MCC: variants seen among roughly 807,000 people sequenced by gnomAD.
The protein encoded by MCC is MCC regulator of Wnt signaling pathway.
Under a neutral mutation model 116.2 loss-of-function variants are expected in MCC, and 90 were observed. The observed-to-expected ratio is 0.77, with a 90% CI of 0.65 to 0.92. The LOEUF (loss-of-function observed/expected upper bound fraction) is 0.92, where lower values mean the gene tolerates loss of function less well. MCC is among the 40% of genes least tolerant of loss of function. The pLI, the probability that MCC is intolerant of heterozygous loss-of-function variation, is 0.00. For missense variants in MCC, 1,516 were observed against 1,312.2 expected (o/e 1.16, Z -2.40); for synonymous variants, 578 against 510.5 (o/e 1.13, Z -1.78).
chr5:113,434,318 G>T lies in MCC; in HGVS notation c.171-49106C>A, dbSNP rs35724644. 100,179 of 1,613,728 alleles carry T rather than the reference G, an allele frequency of 0.062. 5,126 individuals are homozygous for T. The highest frequency in any genetic ancestry group is 0.28 in the African/African-American group (20,747 of 74,894). ...CCGCATACGCTGGTGACCCACAGAA[G>T]GTCTTGCTTAATGCCATTCGACCAC... is the stretch of plus-strand genomic sequence containing the variant. On this transcript the variant is annotated intron_variant, in intron 1 of 18. Coordinates refer to ENST00000408903, the MANE Select transcript of MCC (RefSeq NM_001085377.2). This position sits in a 1 kb window ranked among gnomAD's most constrained non-coding sequence, Gnocchi z 4.2.
intron 8 of MCC, among the ~76,000 whole-genome samples, chr5:113,100,503 C>G (rs1756335479): frequency 8.0e-6 from 1 of 124,372 alleles, no homozygotes; most frequent in Non-Finnish European, 1.6e-5. Flanking sequence ...ATGGAGTCTC[C>G]TTCTGTCGCC....
chr5:113,348,671 A>C (rs1768191233), intron 2 of MCC, among the ~76,000 whole-genome samples: 1 of 152,094 alleles, frequency 6.6e-6, no homozygotes, highest in Non-Finnish European at 1.5e-5. Context: ...AGAGCAAATC[A>C]AACCCAAAAT....
At chr5:113,250,915 T>C (rs1413984569) in intron 3 of MCC, among the ~76,000 whole-genome samples, 2 of 152,148 alleles carry the variant, frequency 1.3e-5, no homozygotes, top group South Asian at 4.1e-4. Context: ...CAGGTAAATT[T>C]AGGGTACATC....
chr5:113,062,234 TG>T (rs1037329119), intron 14 of MCC, among the ~76,000 whole-genome samples: 10 of 152,360 alleles, frequency 6.6e-5, no homozygotes, highest in African/African-American at 1.9e-4. Context: ...CTCTGTGTTT[TG>T]AATTTATCTC....
chr5:113,475,359 T>C (rs1023480543), intron 1 of MCC, among the ~76,000 whole-genome samples: 1 of 152,232 alleles, frequency 6.6e-6, no homozygotes, highest in African/African-American at 2.4e-5. Context: ...TTAGTCAATC[T>C]AGAAACTTGT....
chr5:113,338,920 C>G (rs544415543), intron 3 of MCC, among the ~76,000 whole-genome samples: 31 of 152,130 alleles, frequency 2.0e-4, no homozygotes, highest in Non-Finnish European at 4.0e-4. Flanking sequence ...CATTATCATA[C>G]CCTAGCAGTG....
intron 8 of MCC, among the ~76,000 whole-genome samples, chr5:113,100,943 C>T (rs1013901530): frequency 6.6e-6 from 1 of 152,124 alleles, no homozygotes; most frequent in Non-Finnish European, 1.5e-5. Context: ...ATTGCTTCAC[C>T]CCCAGTCCAA....
intron 3 of MCC, among the ~76,000 whole-genome samples, chr5:113,186,243 G>T (rs1159908476): frequency 1.3e-5 from 2 of 152,196 alleles, no homozygotes; most frequent in Non-Finnish European, 2.9e-5. Context: ...GAAATCCAGA[G>T]CGTGGGTGGC....
chr5:113,364,710 A>C (rs1030924353), intron 2 of MCC, among the ~76,000 whole-genome samples: 3 of 152,192 alleles, frequency 2.0e-5, no homozygotes, highest in Middle Eastern at 3.4e-3. Flanking sequence ...TTTTCCATAC[A>C]TCCTTTGAAA....
chr5:113,085,388 G>C (rs1755143435), intron 8 of MCC, 78 bp from the exon 9 acceptor site: 1 of 1,429,680 alleles, frequency 7.0e-7, no homozygotes, highest in East Asian at 2.3e-5. Context: ...GTAGGTGGTG[G>C]GGCTTTCATT....
At chr5:113,247,079 G>A (rs1223512509) in intron 3 of MCC, among the ~76,000 whole-genome samples, 2 of 152,198 alleles carry the variant, frequency 1.3e-5, no homozygotes, top group Non-Finnish European at 2.9e-5. Context: ...AAAGGAAGGT[G>A]CTGGACACTG....
rs1471261886 is a variant in MCC at position 113,457,518 on chromosome 5, TGAGGAGTGC to T, written c.170+30718_170+30726del. On this transcript the variant is annotated intron_variant, in intron 1 of 18. Coordinates refer to ENST00000408903, the MANE Select transcript of MCC (RefSeq NM_001085377.2). ...CCAGTCCCATCGATCACCCAAGCGC[TGAGGAGTGC>T]GAGCGCATGGCGTGGGACTGGCAGG... Among the ~76,000 whole-genome samples the T allele has an allele frequency of 2.0e-5, 3 of 152,288 alleles. No homozygotes were observed. In the East Asian group the frequency reaches 5.8e-4, roughly 29 times the overall value.
intron 4 of MCC, among the ~76,000 whole-genome samples, chr5:113,148,063 TA>T (rs1369375138): frequency 2.6e-5 from 4 of 152,198 alleles, no homozygotes; most frequent in African/African-American, 9.6e-5. Flanking sequence ...CTGAAGTACT[TA>T]AAAATGCAGT....
intron 1 of MCC, among the ~76,000 whole-genome samples, chr5:113,475,397 G>A (rs1489818375): frequency 1.3e-5 from 2 of 152,154 alleles, no homozygotes; most frequent in Admixed American, 6.5e-5. Context: ...TTTATTAGGT[G>A]ACAGGGATCC....
chr5:113,328,343 C>G (rs1767617771), intron 3 of MCC, among the ~76,000 whole-genome samples: 1 of 152,224 alleles, frequency 6.6e-6, no homozygotes. Context: ...GCTTCTGTCT[C>G]TAGGGAAAGG....
chr5:113,105,420 T>C (rs779021826), intron 6 of MCC, among the ~76,000 whole-genome samples: 3 of 152,210 alleles, frequency 2.0e-5, no homozygotes, highest in Non-Finnish European at 4.4e-5. Context: ...CCTCATCTGG[T>C]TGCCTCTATT....
intron 14 of MCC, among the ~76,000 whole-genome samples, chr5:113,063,600 A>G (rs1401343155): frequency 6.6e-6 from 1 of 152,214 alleles, no homozygotes; most frequent in African/African-American, 2.4e-5. Flanking sequence ...TTGGGACCAG[A>G]GGGACCATTT....
intron 3 of MCC, among the ~76,000 whole-genome samples, chr5:113,309,343 C>T (rs1447839005): frequency 6.6e-6 from 1 of 152,036 alleles, no homozygotes; most frequent in Non-Finnish European, 1.5e-5. Context: ...GTGTTCTTCT[C>T]CCACCCTCCC....
intron 6 of MCC, among the ~76,000 whole-genome samples, chr5:113,117,015 G>A (rs77785699): frequency 0.06 from 9,171 of 152,258 alleles, 604 homozygotes; most frequent in African/African-American, 0.17. Flanking sequence ...CTTTCAGTCC[G>A]GTCTAACCCT....
Sources: gnomAD v4.1 joint callset for allele counts (sites outside exome capture counted in the v4.1 genomes callset) on GRCh38, gnomAD v4.1.1 for gene constraint, Gnocchi (gnomAD v3.1) non-coding constraint, MANE v1.5 for transcripts, NCBI Gene and HGNC (gene_info 2026-07-23, HGNC 2026-07-21) for gene names.